The following ALCAM variants were observed in gnomAD, a reference collection of about 807,000 sequenced individuals.
ALCAM encodes the protein activated leukocyte cell adhesion molecule, also known as CD166 antigen.
Under a neutral mutation model 70.9 loss-of-function variants are expected in ALCAM, and 30 were observed. That is an observed-to-expected ratio of 0.42 (90% CI 0.32 to 0.57). ALCAM has a LOEUF of 0.57. Among genes scored for constraint, ALCAM ranks in the 20% least tolerant of loss-of-function variants. The pLI is 0.11. For missense variants in ALCAM, 591 were observed against 695.1 expected (o/e 0.85, Z 1.68); for synonymous variants, 249 against 242.5 (o/e 1.03, Z -0.25).
At chr3:105,430,481 TATG>T (rs1394706608) in intron 1 of ALCAM, among the ~76,000 whole-genome samples, 1 of 152,108 alleles carries the variant, frequency 6.6e-6, no homozygotes, top group East Asian at 1.9e-4. Context: ...ACATTTTTCT[TATG>T]ATAATATTGG....
Position 105,563,680 on chromosome 3 carries a change from T to TTTTTTTTTTTC in ALCAM, c.1665-8162_1665-8161insCTTTTTTTTTT, listed in dbSNP as rs1418491192. On this transcript the variant is annotated intron_variant, in intron 14 of 15. Coordinates refer to ENST00000306107, the MANE Select transcript of ALCAM (RefSeq NM_001627.4). ...TTCCAAGCATTTCTTTTTTTTTTTT[T>TTTTTTTTTTTC]TTTTTTTTTTTTTTTTTTGAGACGG... Among the ~76,000 whole-genome samples the TTTTTTTTTTTC allele has an allele frequency of 1.9e-3, 182 of 98,314 alleles. 6 individuals carry two copies. The highest frequency in any genetic ancestry group is 7.7e-3 in the African/African-American group (168 of 21,768). 64.5% of individuals were successfully genotyped at this position (98,314 alleles called of 152,430 possible).
At chr3:105,419,267 A>G (rs573039364) in intron 1 of ALCAM, among the ~76,000 whole-genome samples, 2 of 151,934 alleles carry the variant, frequency 1.3e-5, no homozygotes, top group East Asian at 3.9e-4. Context: ...TGGAATGTCT[A>G]TAAGTTAAAT....
rs546460963 is a variant in ALCAM at position 105,403,629 on chromosome 3, C to A, written c.73+36148C>A. Among the ~76,000 whole-genome samples, 50 of 152,076 alleles carry A rather than the reference C, an allele frequency of 3.3e-4. No individual in the cohort carries two copies. The South Asian group carries it at 9.8e-3, about 30-fold the overall frequency. On this transcript the variant is annotated intron_variant, in intron 1 of 15. Coordinates refer to ENST00000306107, the MANE Select transcript of ALCAM (RefSeq NM_001627.4). Reference sequence around the variant, plus strand: ...TGCCATCTGACATAGTCTACACCAACGAAAAGGAATCAGAAAAACAATTCT... The same window carrying A: ...TGCCATCTGACATAGTCTACACCAAAGAAAAGGAATCAGAAAAACAATTCT...
At chr3:105,384,942 C>A (rs1471979441) in intron 1 of ALCAM, among the ~76,000 whole-genome samples, 1 of 151,408 alleles carries the variant, frequency 6.6e-6, no homozygotes, top group Non-Finnish European at 1.5e-5. Context: ...AATATATAAA[C>A]CTAATTGGGC....
At position 105,367,386 on chromosome 3, in the gene ALCAM, G is replaced by A; in HGVS notation, c.-23G>A. ...TCCTGCGGCGTGGACTCCGTCAGTG[G>A]CCCACCAAGAAGGAGGAGGAATATG... is the stretch of plus-strand genomic sequence containing the variant. On this transcript the variant is annotated 5_prime_UTR_variant, in exon 1 of 16. Coordinates refer to ENST00000306107, the MANE Select transcript of ALCAM (RefSeq NM_001627.4). 1.9e-6 allele frequency: 3 copies of A among 1,612,996 alleles called. No individual in the cohort carries two copies. Among genetic ancestry groups the A allele is most frequent in the Non-Finnish European group, 2.5e-6 (3 of 1,179,272 alleles).
At chr3:105,568,064 T>A (rs953541463) in intron 14 of ALCAM, among the ~76,000 whole-genome samples, 9 of 38,960 alleles carry the variant, frequency 2.3e-4, no homozygotes, top group African/African-American at 5.2e-4. Context: ...TTTTATTTTA[T>A]TTTTTTTTTT....
At chr3:105,525,340 A>G (rs1003536380) in intron 3 of ALCAM, 1 of 982,038 alleles carries the variant, frequency 1.0e-6, no homozygotes. Context: ...GTGCAAATGA[A>G]TGACTTGAGA....
chr3:105,383,953 T>C (rs1214334696), intron 1 of ALCAM, among the ~76,000 whole-genome samples: 2 of 151,650 alleles, frequency 1.3e-5, no homozygotes, highest in African/African-American at 4.8e-5. Context: ...TCTCATAATC[T>C]AGCAGAAATA....
chr3:105,452,984 G>A (rs1274981369), intron 1 of ALCAM, among the ~76,000 whole-genome samples: 3 of 152,050 alleles, frequency 2.0e-5, no homozygotes, highest in African/African-American at 4.8e-5. Flanking sequence ...CCTTTGTCAG[G>A]TGGGTAGATT....
At chr3:105,544,473 T>G (rs1940196329) in intron 8 of ALCAM, 1 of 151,674 alleles carries the variant, frequency 6.6e-6, no homozygotes, top group South Asian at 2.1e-4. Context: ...AAATATTTAG[T>G]GAACTCCAAA....
chr3:105,552,200 G>T lies in ALCAM; in HGVS notation c.1546+18G>T, dbSNP rs543990094. The T allele has an allele frequency of 1.9e-6, 3 of 1,593,114 alleles. No homozygotes were observed. Among genetic ancestry groups the T allele is most frequent in the East Asian group, 2.2e-5 (1 of 44,636 alleles). On this transcript the variant is annotated intron_variant, in intron 13 of 15. Transcript: ENST00000306107. Reference sequence around the variant, plus strand: ...GATAAGTGGTAGGTACTATGCTGCCGACTCTTCTTCCTTGACTATCAGCTC... The same window carrying T: ...GATAAGTGGTAGGTACTATGCTGCCTACTCTTCTTCCTTGACTATCAGCTC...
intron 14 of ALCAM, among the ~76,000 whole-genome samples, chr3:105,554,747 TCTC>T (rs1314731613): frequency 1.4e-5 from 2 of 147,556 alleles, no homozygotes; most frequent in African/African-American, 4.9e-5. Flanking sequence ...TTATAGAAGT[TCTC>T]CTTCTGTGTG....
chr3:105,392,691 T>C (rs1048020944), intron 1 of ALCAM, among the ~76,000 whole-genome samples: 3 of 151,994 alleles, frequency 2.0e-5, no homozygotes, highest in Non-Finnish European at 4.4e-5. Flanking sequence ...TTGAGATCTT[T>C]CTAACTTTTT....
At chr3:105,448,626 A>G (rs1285711078) in intron 1 of ALCAM, among the ~76,000 whole-genome samples, 3 of 152,170 alleles carry the variant, frequency 2.0e-5, no homozygotes, top group African/African-American at 4.8e-5. Context: ...AAATTTCTGT[A>G]AGAAAGTCAC....
At chr3:105,530,682 CTT>C (rs1255798394) in intron 3 of ALCAM, among the ~76,000 whole-genome samples, 1 of 151,932 alleles carries the variant, frequency 6.6e-6, no homozygotes, top group Non-Finnish European at 1.5e-5. Flanking sequence ...AGTAGGCCCT[CTT>C]ATAATTAAAG....
chr3:105,446,333 G>A (rs1216564262), intron 1 of ALCAM, among the ~76,000 whole-genome samples: 1 of 152,050 alleles, frequency 6.6e-6, no homozygotes, highest in Non-Finnish European at 1.5e-5. Context: ...AACAAATGCT[G>A]GCAGATGTGG....
At chr3:105,544,219 C>T (rs1940188259) in intron 8 of ALCAM, among the ~76,000 whole-genome samples, 1 of 151,514 alleles carries the variant, frequency 6.6e-6, no homozygotes, top group African/African-American at 2.4e-5. Context: ...CACTTATACC[C>T]AATTACTCAC....
rs561108426 is a variant in ALCAM at position 105,456,208 on chromosome 3, A to G, written c.74-63859A>G. Among the ~76,000 whole-genome samples, 538 of 152,332 alleles carry G rather than the reference A, an allele frequency of 3.5e-3. 3 individuals carry two copies. The highest frequency in any genetic ancestry group is 3.4e-3 in the Middle Eastern group (1 of 294). ...CCTGCTCTCTGCAGGAGCAGTCACA[A>G]GAGTTGTAACACTGCCAGAGCTGTT... On this transcript the variant is annotated intron_variant, in intron 1 of 15. Transcript: ENST00000306107.
At chr3:105,392,897 T>C (rs1009395403) in intron 1 of ALCAM, among the ~76,000 whole-genome samples, 14 of 151,908 alleles carry the variant, frequency 9.2e-5, no homozygotes, top group Non-Finnish European at 1.8e-4. Flanking sequence ...TTTGAGTGAG[T>C]TTCTTGATCT....
Sources: gnomAD v4.1 joint callset for allele counts (sites outside exome capture counted in the v4.1 genomes callset) on GRCh38, gnomAD v4.1.1 for gene constraint, MANE v1.5 for transcripts, NCBI Gene and HGNC (gene_info 2026-07-23, HGNC 2026-07-21) for gene names.